NELL1: variants seen among roughly 807,000 people sequenced by gnomAD.
NELL1 encodes the protein protein kinase C-binding protein NELL1.
In NELL1, 76 loss-of-function variants were observed where a neutral mutation model predicts 107.4. The ratio of observed to expected loss-of-function variants is 0.71; its 90% CI spans 0.59 to 0.86. The LOEUF (loss-of-function observed/expected upper bound fraction) is 0.86, where lower values mean the gene tolerates loss of function less well. Ranked by LOEUF, NELL1 falls within the 40% of genes least tolerant of loss-of-function variation. The pLI, the probability that NELL1 is intolerant of heterozygous loss-of-function variation, is 0.00. For missense variants in NELL1, 1,024 were observed against 1,005.5 expected, an observed-to-expected ratio of 1.02 and a Z score of -0.25; for synonymous variants, 353 against 341.2, an observed-to-expected ratio of 1.03 and a Z score of -0.38.
intron 14 of NELL1, among the ~76,000 whole-genome samples, chr11:21,336,184 C>T (rs1850390879): frequency 6.6e-6 from 1 of 151,804 alleles, no homozygotes; most frequent in South Asian, 2.1e-4. Context: ...AAACTAGAAC[C>T]TTTTTATGTA....
At chr11:20,814,411 C>T (rs113429945) in intron 3 of NELL1, among the ~76,000 whole-genome samples, 184 of 152,298 alleles carry the variant, frequency 1.2e-3, no homozygotes, top group African/African-American at 4.3e-3. Flanking sequence ...GTGCTGAGCA[C>T]AGTACCTACT....
At chr11:21,128,172 A>C (rs1418334386) in intron 13 of NELL1, among the ~76,000 whole-genome samples, 3 of 152,168 alleles carry the variant, frequency 2.0e-5, no homozygotes, top group Admixed American at 6.5e-5. Context: ...AATCTTAATA[A>C]ATATCGTGAT....
intron 14 of NELL1, among the ~76,000 whole-genome samples, chr11:21,275,552 A>T (rs1253752321): frequency 2.0e-5 from 3 of 152,260 alleles, no homozygotes; most frequent in Non-Finnish European, 4.4e-5. Flanking sequence ...TCATTTTATG[A>T]GGCCAGCATC....
chr11:21,476,796 A>G (rs1309532454), intron 15 of NELL1, among the ~76,000 whole-genome samples: 1 of 152,108 alleles, frequency 6.6e-6, no homozygotes. Context: ...TACTTAGGGA[A>G]GGGAGAGCAC....
intron 2 of NELL1, among the ~76,000 whole-genome samples, chr11:20,687,888 T>A (rs1854348196): frequency 6.6e-6 from 1 of 152,068 alleles, no homozygotes; most frequent in Non-Finnish European, 1.5e-5. Context: ...CCACCATGCC[T>A]GGCCTTCTCT....
chr11:20,818,024 G>A (rs1211209203), intron 3 of NELL1, among the ~76,000 whole-genome samples: 3 of 152,082 alleles, frequency 2.0e-5, no homozygotes, highest in East Asian at 3.9e-4. Flanking sequence ...GTTGATCTTA[G>A]AGAATGTCTC....
intron 12 of NELL1, among the ~76,000 whole-genome samples, chr11:21,104,646 A>G (rs991529617): frequency 4.6e-5 from 7 of 152,218 alleles, no homozygotes; most frequent in African/African-American, 1.2e-4. Flanking sequence ...TAATCTGAAA[A>G]TATTTGATCT....
chr11:21,305,070 TAGAA>T (rs1206787959), intron 14 of NELL1, among the ~76,000 whole-genome samples: 1 of 152,034 alleles, frequency 6.6e-6, no homozygotes, highest in Admixed American at 6.6e-5. Flanking sequence ...TGTTAGGTGA[TAGAA>T]AGCTAGTTTT....
At chr11:20,914,125 G>A (rs1426769421) in intron 5 of NELL1, among the ~76,000 whole-genome samples, 1 of 152,056 alleles carries the variant, frequency 6.6e-6, no homozygotes, top group African/African-American at 2.4e-5. Context: ...AGTGTTAATC[G>A]AAAAGTGTCT....
intron 14 of NELL1, among the ~76,000 whole-genome samples, chr11:21,339,081 G>A (rs1001745764): frequency 5.3e-5 from 8 of 152,136 alleles, no homozygotes; most frequent in Admixed American, 3.3e-4. Flanking sequence ...ACTGTTCTGG[G>A]CTAAATTGTG....
At position 20,948,781 on chromosome 11, in the gene NELL1, A is replaced by C. The variant is rs888931131; in HGVS notation, c.1171+1346A>C. Among the ~76,000 whole-genome samples the C allele has an allele frequency of 1.6e-4, 25 of 151,778 alleles. 1 individual carries two copies. The highest frequency in any genetic ancestry group is 1.2e-3 in the East Asian group (6 of 5,154). ...TCAAAATCTTAAAAAAAAAAAAAAA[A>C]AAAAAACAGTTAAACTCATAGGTAT... On this transcript the variant is annotated intron_variant, in intron 11 of 19. Transcript: ENST00000357134.
At chr11:21,446,895 T>C (rs1464661660) in intron 15 of NELL1, among the ~76,000 whole-genome samples, 1 of 152,234 alleles carries the variant, frequency 6.6e-6, no homozygotes, top group African/African-American at 2.4e-5. Flanking sequence ...GGTCCAGAGA[T>C]GCCGTCTGGG....
chr11:21,027,666 G>C (rs1445679100), intron 12 of NELL1, among the ~76,000 whole-genome samples: 1 of 152,084 alleles, frequency 6.6e-6, no homozygotes, highest in African/African-American at 2.4e-5. Flanking sequence ...CACCTCTTAG[G>C]TTCTGGGATT....
intron 12 of NELL1, among the ~76,000 whole-genome samples, chr11:21,000,673 A>G (rs1044944767): frequency 2.6e-5 from 4 of 152,234 alleles, no homozygotes; most frequent in East Asian, 1.9e-4. Flanking sequence ...AGATCAAATT[A>G]ATTGCTTTTC....
At chr11:21,037,528 C>T (rs542293370) in intron 12 of NELL1, among the ~76,000 whole-genome samples, 1 of 152,240 alleles carries the variant, frequency 6.6e-6, no homozygotes, top group Non-Finnish European at 1.5e-5. Context: ...TCCACATGTT[C>T]CCCGATGTAT....
At chr11:21,188,491 TC>T (rs77198451) in intron 13 of NELL1, among the ~76,000 whole-genome samples, 88,095 of 151,566 alleles carry the variant, frequency 0.58, 29,188 homozygotes, top group Non-Finnish European at 0.74. Context: ...ATGGCTTTTT[TC>T]TCTCACTTTT....
intron 13 of NELL1, among the ~76,000 whole-genome samples, chr11:21,190,850 T>G (rs1280251333): frequency 1.3e-5 from 2 of 151,866 alleles, no homozygotes; most frequent in African/African-American, 4.9e-5. Flanking sequence ...CTCTTATCTA[T>G]TATGTTGCCT....
chr11:20,975,920 C>CATATATGTACCTATATGTGT (rs1554953002), intron 12 of NELL1, among the ~76,000 whole-genome samples: 1 of 108,460 alleles, frequency 9.2e-6, no homozygotes, highest in Non-Finnish European at 1.8e-5. Context: ...TATATAAACA[C>CATATATGTACCTATATGTGT]ACATATATGT....
chr11:21,161,412 C>G (rs911753606), intron 13 of NELL1, among the ~76,000 whole-genome samples: 1 of 152,094 alleles, frequency 6.6e-6, no homozygotes, highest in African/African-American at 2.4e-5. Flanking sequence ...TGGCGCACGC[C>G]GGTAATCCCA....
Sources: allele counts gnomAD v4.1 joint callset (sites outside exome capture counted in the v4.1 genomes callset), GRCh38; gene constraint gnomAD v4.1.1; transcripts MANE v1.5; gene names NCBI Gene and HGNC (gene_info 2026-07-23, HGNC 2026-07-21).